The following ZFAND6 variants were observed in gnomAD, a reference collection of about 807,000 sequenced individuals.
The protein encoded by ZFAND6 is zinc finger AN1-type containing 6, also known as AN1-type zinc finger protein 6.
ZFAND6 carries 12 observed loss-of-function variants against 24.5 expected under a neutral mutation model. That is an observed-to-expected ratio of 0.49 (90% CI 0.31 to 0.79). The LOEUF is 0.79. Among genes scored for constraint, ZFAND6 ranks in the 30% least tolerant of loss-of-function variants. ZFAND6 has a pLI of 0.04. For missense variants in ZFAND6, 207 were observed against 245.9 expected (o/e 0.84, Z 1.06); for synonymous variants, 92 against 81.5 (o/e 1.13, Z -0.69).
chr15:80,103,729 T>C (rs1458095375), intron 2 of ZFAND6, among the ~76,000 whole-genome samples: 2 of 152,234 alleles, frequency 1.3e-5, no homozygotes, highest in African/African-American at 2.4e-5. Context: ...CTCAGTCTGC[T>C]TTCTCCCTAC....
chr15:80,131,533 AAGGTT>A (rs2040602107), intron 6 of ZFAND6: 5 of 438,724 alleles, frequency 1.1e-5, no homozygotes, highest in Non-Finnish European at 2.0e-5. Context: ...TTAGACAAAT[AAGGTT>A]AGTGTGCCAG....
Position 80,120,508 on chromosome 15 carries a change from T to A in ZFAND6, c.154+10T>A. ...AGAATAAGCCCACCTGGTAAGTAATTCTAGTGAAACCCGTCTATATTCATA... is the reference window on the plus strand; with the variant it reads ...AGAATAAGCCCACCTGGTAAGTAATACTAGTGAAACCCGTCTATATTCATA... On this transcript the variant is annotated intron_variant, in intron 3 of 6. Coordinates refer to ENST00000261749, the MANE Select transcript of ZFAND6 (RefSeq NM_019006.4). The A allele has an allele frequency of 6.6e-7, 1 of 1,522,290 alleles. No individual in the cohort carries two copies. Among genetic ancestry groups the A allele is most frequent in the Non-Finnish European group, 8.9e-7 (1 of 1,124,452 alleles). 94.3% of individuals were successfully genotyped at this position (1,522,290 alleles called of 1,614,324 possible).
Position 80,128,525 on chromosome 15 carries a change from A to C in ZFAND6, c.365-2655A>C, listed in dbSNP as rs192232984. Among the ~76,000 whole-genome samples the C allele has an allele frequency of 4.6e-3, 701 of 152,370 alleles. 4 individuals are homozygous for C. The highest frequency in any genetic ancestry group is 0.02 in the South Asian group (98 of 4,834). On this transcript the variant is annotated intron_variant, in intron 5 of 6. Coordinates refer to ENST00000261749, the MANE Select transcript of ZFAND6 (RefSeq NM_019006.4). ...GTTGATAAGGTATTCCTTGGTCTTA[A>C]AACTCACATAAAAACTGAGGAAACA...
intron 1 of ZFAND6, among the ~76,000 whole-genome samples, chr15:80,091,808 T>G (rs2038394573): frequency 6.6e-6 from 1 of 152,016 alleles, no homozygotes; most frequent in Non-Finnish European, 1.5e-5. Flanking sequence ...CCTGGCTAAT[T>G]TTAAAATTTT....
intron 1 of ZFAND6, among the ~76,000 whole-genome samples, chr15:80,090,522 T>C (rs549318131): frequency 2.0e-5 from 3 of 152,350 alleles, no homozygotes; most frequent in African/African-American, 7.2e-5. Context: ...GACCCCTCAA[T>C]TCTGTTCTTA....
At chr15:80,107,131 C>G (rs2141966568) in intron 2 of ZFAND6, among the ~76,000 whole-genome samples, 1 of 152,304 alleles carries the variant, frequency 6.6e-6, no homozygotes, top group Middle Eastern at 3.4e-3. Flanking sequence ...AGGAGAATCA[C>G]TTGAACCCAG....
At chr15:80,073,413 C>A in intron 1 of ZFAND6, 1 of 211,324 alleles carries the variant, frequency 4.7e-6, no homozygotes, top group Non-Finnish European at 1.0e-5. Context: ...TATTTCAGTA[C>A]AAGAATATTT....
chr15:80,136,991 C>T (rs550565388), intron 6 of ZFAND6, among the ~76,000 whole-genome samples: 1 of 152,304 alleles, frequency 6.6e-6, no homozygotes, highest in African/African-American at 2.4e-5. Flanking sequence ...CTCTAGATCC[C>T]GTGCTCTTCA....
chr15:80,108,885 G>A (rs1321929108), intron 2 of ZFAND6, among the ~76,000 whole-genome samples: 1 of 151,916 alleles, frequency 6.6e-6, no homozygotes, highest in African/African-American at 2.4e-5. Context: ...CTGCCACCAC[G>A]CCTGGCTAAT....
upstream of ZFAND6, among the ~76,000 whole-genome samples, chr15:80,059,399 C>T (rs1271138245): frequency 6.6e-6 from 1 of 152,204 alleles, no homozygotes; most frequent in African/African-American, 2.4e-5. Context: ...GCGGGAAGCG[C>T]CCCAGAGAGG....
chr15:80,074,266 C>A (rs2461640), intron 1 of ZFAND6, among the ~76,000 whole-genome samples: 2 of 151,686 alleles, frequency 1.3e-5, no homozygotes, highest in Admixed American at 6.6e-5. Context: ...ACCCACTTAA[C>A]TGAGCAATTG....
chr15:80,086,847 C>A (rs2038036657), intron 1 of ZFAND6, among the ~76,000 whole-genome samples: 1 of 152,202 alleles, frequency 6.6e-6, no homozygotes, highest in Non-Finnish European at 1.5e-5. Flanking sequence ...TCAGTGGTAA[C>A]CAACATTGTT....
chr15:80,068,661 C>T (rs779901546), intron 1 of ZFAND6, among the ~76,000 whole-genome samples: 5 of 152,210 alleles, frequency 3.3e-5, no homozygotes, highest in South Asian at 4.1e-4. Flanking sequence ...CGTGAGCTAC[C>T]GCGCTCAGCC....
At chr15:80,064,622 A>G (rs753336147) in intron 1 of ZFAND6, among the ~76,000 whole-genome samples, 13 of 151,968 alleles carry the variant, frequency 8.6e-5, no homozygotes, top group Non-Finnish European at 1.8e-4. Flanking sequence ...ACACACACAC[A>G]CACACACGTA....
chr15:80,091,837 G>T (rs1477386638), intron 1 of ZFAND6, among the ~76,000 whole-genome samples: 1 of 151,982 alleles, frequency 6.6e-6, no homozygotes, highest in Non-Finnish European at 1.5e-5. Flanking sequence ...GCAGAATCTT[G>T]CCGTATTGCC....
chr15:80,067,140 AG>A (rs772861371), intron 1 of ZFAND6, among the ~76,000 whole-genome samples: 144 of 152,272 alleles, frequency 9.5e-4, no homozygotes, highest in African/African-American at 3.3e-3. Flanking sequence ...TTACTGAGGG[AG>A]GACAGTGGGA....
At chr15:80,085,349 C>CCGTA (rs1362371739) in intron 1 of ZFAND6, among the ~76,000 whole-genome samples, 1 of 152,176 alleles carries the variant, frequency 6.6e-6, no homozygotes, top group African/African-American at 2.4e-5. Context: ...GATCCTAGAA[C>CCGTA]CGTAGCTGGC....
At position 80,068,747 on chromosome 15, in the gene ZFAND6, C is replaced by T. The variant is rs187117988; in HGVS notation, c.-181+8938C>T. 1.1e-4 allele frequency among the ~76,000 whole-genome samples: 16 copies of T among 152,274 alleles called. No homozygotes were observed. In the South Asian group the frequency reaches 2.7e-3, roughly 26 times the overall value. ...TCTTGGGATTACAGGCGTGAGCCAC[C>T]GTGCCCAGCCAATTTTTAAATTTCA... On this transcript the variant is annotated intron_variant, in intron 1 of 6. Transcript: ENST00000261749.
chr15:80,061,155 A>G (rs981701095), intron 1 of ZFAND6, among the ~76,000 whole-genome samples: 1 of 152,206 alleles, frequency 6.6e-6, no homozygotes, highest in Non-Finnish European at 1.5e-5. Context: ...TTTCCAAAAC[A>G]AGTTGTCTTT....
Sources: allele counts gnomAD v4.1 joint callset (sites outside exome capture counted in the v4.1 genomes callset), GRCh38; gene constraint gnomAD v4.1.1; transcripts MANE v1.5; gene names NCBI Gene and HGNC (gene_info 2026-07-23, HGNC 2026-07-21).